ITGB5: variants seen among roughly 807,000 people sequenced by gnomAD.
The protein encoded by ITGB5 is integrin subunit beta 5.
In ITGB5, 38 loss-of-function variants were observed where a neutral mutation model predicts 84.8. The ratio of observed to expected loss-of-function variants is 0.45; its 90% CI spans 0.35 to 0.59. The LOEUF (loss-of-function observed/expected upper bound fraction) is 0.59. Among genes scored for constraint, ITGB5 ranks in the 20% least tolerant of loss-of-function variants. The pLI, the probability that ITGB5 is intolerant of heterozygous loss-of-function variation, is 0.01. For synonymous variants in ITGB5, 393 were observed against 414.4 expected, an observed-to-expected ratio of 0.95 and a Z score of 0.63; for missense variants, 905 against 1,034.5, an observed-to-expected ratio of 0.87 and a Z score of 1.72.
intron 10 of ITGB5, among the ~76,000 whole-genome samples, chr3:124,795,628 G>A (rs1188091904): frequency 6.6e-6 from 1 of 152,184 alleles, no homozygotes; most frequent in Non-Finnish European, 1.5e-5. Context: ...GAGGACCTGG[G>A]GATGGGGAGA....
chr3:124,875,957 G>C (rs942260373), intron 1 of ITGB5, among the ~76,000 whole-genome samples: 17 of 152,182 alleles, frequency 1.1e-4, no homozygotes, highest in Non-Finnish European at 1.9e-4. Context: ...CAGAAATACG[G>C]AGAGTAAAAT....
At chr3:124,771,589 AAAAT>A (rs2063844799) in intron 11 of ITGB5, among the ~76,000 whole-genome samples, 1 of 151,934 alleles carries the variant, frequency 6.6e-6, no homozygotes, top group Admixed American at 6.6e-5. Context: ...TCTCTACAAA[AAAAT>A]AAAAATTAGC....
chr3:124,778,759 G>A (rs3772825), intron 10 of ITGB5, among the ~76,000 whole-genome samples: 25,023 of 152,192 alleles, frequency 0.16, 2,267 homozygotes, highest in Admixed American at 0.25. Flanking sequence ...ATGGGGAAAT[G>A]AAGGAATCAA....
At chr3:124,811,655 A>C (rs1258300675) in intron 8 of ITGB5, among the ~76,000 whole-genome samples, 1 of 152,218 alleles carries the variant, frequency 6.6e-6, no homozygotes, top group African/African-American at 2.4e-5. Flanking sequence ...AATTAGATGG[A>C]AATGGACTCT....
intron 3 of ITGB5, among the ~76,000 whole-genome samples, chr3:124,851,210 T>G (rs72974512): frequency 3.8e-4 from 58 of 152,330 alleles, no homozygotes; most frequent in African/African-American, 1.4e-3. Flanking sequence ...ATCCAGACCC[T>G]GTCACCAAGG....
At chr3:124,838,529 G>A (rs2064967832) in intron 5 of ITGB5, among the ~76,000 whole-genome samples, 1 of 152,162 alleles carries the variant, frequency 6.6e-6, no homozygotes, top group Admixed American at 6.5e-5. Context: ...TTTCCTAGAA[G>A]AGGGAGCCAA....
chr3:124,766,077 G>T, intron 13 of ITGB5, 149 bp downstream of exon 13: 3 of 603,658 alleles, frequency 5.0e-6, no homozygotes, highest in Non-Finnish European at 7.6e-6. Context: ...AAAAAAAAAA[G>T]AAAAAGAAGA....
At chr3:124,869,165 C>T (rs1299915163) in intron 2 of ITGB5, among the ~76,000 whole-genome samples, 1 of 152,168 alleles carries the variant, frequency 6.6e-6, no homozygotes, top group Non-Finnish European at 1.5e-5. Context: ...TGGGCAGCAA[C>T]CCTCAGTGTA....
intron 3 of ITGB5, among the ~76,000 whole-genome samples, chr3:124,851,595 T>G (rs2065154967): frequency 7.2e-6 from 1 of 139,230 alleles, no homozygotes; most frequent in South Asian, 2.4e-4. Context: ...TAAGAGAAAT[T>G]GATCAGTAAG....
chr3:124,858,092 C>T (rs754847460), intron 3 of ITGB5, among the ~76,000 whole-genome samples: 2 of 150,222 alleles, frequency 1.3e-5, no homozygotes, highest in African/African-American at 4.9e-5. Flanking sequence ...CAAGACTGTG[C>T]CATTGCACTC....
intron 8 of ITGB5, among the ~76,000 whole-genome samples, chr3:124,815,733 C>T (rs1203579102): frequency 6.6e-6 from 1 of 152,202 alleles, no homozygotes. Flanking sequence ...ATTCACAGGC[C>T]TGCCCCTCCT....
At chr3:124,804,107 GT>G (rs891681541) in intron 9 of ITGB5, among the ~76,000 whole-genome samples, 1 of 151,944 alleles carries the variant, frequency 6.6e-6, no homozygotes, top group Admixed American at 6.6e-5. Flanking sequence ...AGTGGCTTCA[GT>G]TTTTTTTGCA....
chr3:124,831,691 C>G (rs1291708581), intron 5 of ITGB5, among the ~76,000 whole-genome samples: 1 of 152,186 alleles, frequency 6.6e-6, no homozygotes, highest in Non-Finnish European at 1.5e-5. Flanking sequence ...TCTAGGTTCT[C>G]TGATCCCGAG....
intron 1 of ITGB5, among the ~76,000 whole-genome samples, chr3:124,875,570 A>G (rs1295695247): frequency 2.0e-5 from 3 of 152,172 alleles, no homozygotes; most frequent in African/African-American, 7.2e-5. Context: ...GTGGGAATGT[A>G]AATTAGTACA....
intron 9 of ITGB5, among the ~76,000 whole-genome samples, chr3:124,803,095 A>G (rs2107527710): frequency 6.6e-6 from 1 of 152,298 alleles, no homozygotes; most frequent in East Asian, 1.9e-4. Context: ...AAACCACTTC[A>G]ATACCTCTGA....
At chr3:124,768,442 C>T (rs1324056248) in intron 12 of ITGB5, among the ~76,000 whole-genome samples, 6 of 152,238 alleles carry the variant, frequency 3.9e-5, no homozygotes, top group African/African-American at 1.2e-4. Flanking sequence ...CAGGACACCA[C>T]TAATGTACTT....
chr3:124,769,344 G>A (rs1356189680), intron 11 of ITGB5: 2 of 482,486 alleles, frequency 4.1e-6, no homozygotes, highest in Admixed American at 7.3e-5. Context: ...CTACATGTCA[G>A]GTTGCAGACC....
intron 11 of ITGB5, among the ~76,000 whole-genome samples, chr3:124,772,554 G>T (rs529528423): frequency 1.3e-5 from 2 of 152,238 alleles, no homozygotes; most frequent in Non-Finnish European, 2.9e-5. Flanking sequence ...ATTATGATTT[G>T]TTTCTGATCC....
intron 5 of ITGB5, among the ~76,000 whole-genome samples, chr3:124,831,842 T>G (rs1217928368): frequency 1.7e-4 from 26 of 152,058 alleles, no homozygotes. Context: ...ATCCACCACG[T>G]GAAAAGCAGC....
Sources: allele counts gnomAD v4.1 joint callset (sites outside exome capture counted in the v4.1 genomes callset), GRCh38; gene constraint gnomAD v4.1.1; transcripts MANE v1.5; gene names NCBI Gene and HGNC (gene_info 2026-07-23, HGNC 2026-07-21).